The following KDM2B variants were observed in gnomAD, a reference collection of about 807,000 sequenced individuals.
The protein encoded by KDM2B is lysine demethylase 2B.
Under a neutral mutation model 150.0 loss-of-function variants are expected in KDM2B, and 26 were observed. The observed-to-expected ratio is 0.17, with a 90% CI of 0.13 to 0.24. KDM2B has a LOEUF of 0.24. KDM2B is among the 10% of genes least tolerant of loss of function. KDM2B has a pLI of 1.00. For missense variants in KDM2B, 1,265 were observed against 1,816.9 expected (o/e 0.70, Z 5.52); for synonymous variants, 734 against 729.5 (o/e 1.01, Z -0.10).
chr12:121,411,057 C>T, the KDM2B span, among the ~76,000 whole-genome samples: 2 of 152,232 alleles, frequency 1.3e-5, no homozygotes, highest in Non-Finnish European at 2.9e-5. Flanking sequence ...GCCTCAGCCT[C>T]CGAGTAGCTG....
intron 4 of KDM2B, among the ~76,000 whole-genome samples, chr12:121,560,799 G>C (rs1336695968): frequency 1.3e-5 from 2 of 152,268 alleles, no homozygotes; most frequent in Admixed American, 6.5e-5. Flanking sequence ...TTGGCACCGG[G>C]GAGGAGGCAG....
At chr12:121,411,619 T>C in the KDM2B span, among the ~76,000 whole-genome samples, 1 of 152,210 alleles carries the variant, frequency 6.6e-6, no homozygotes, top group South Asian at 2.1e-4. Context: ...AGAAAACATA[T>C]TTTGAACTTT....
intron 8 of KDM2B, among the ~76,000 whole-genome samples, chr12:121,523,799 C>T (rs1201709855): frequency 2.0e-5 from 3 of 152,236 alleles, no homozygotes; most frequent in South Asian, 2.1e-4. Flanking sequence ...CTGTGCCTGG[C>T]TCCCCGGGTC....
At chr12:121,581,459 C>T (rs1443204143), upstream of KDM2B, among the ~76,000 whole-genome samples, 2 of 152,212 alleles carry the variant, frequency 1.3e-5, no homozygotes, top group African/African-American at 2.4e-5. Context: ...TACCCCAGCA[C>T]TGGTCCTGGG....
At chr12:121,502,746 A>AC (rs1288881347) in intron 11 of KDM2B, among the ~76,000 whole-genome samples, 1 of 117,974 alleles carries the variant, frequency 8.5e-6, no homozygotes, top group Non-Finnish European at 1.6e-5. Flanking sequence ...GCAGAGCGAG[A>AC]CCCCCATCTC....
chr12:121,555,884 T>C (rs1296746414), intron 4 of KDM2B, among the ~76,000 whole-genome samples: 2 of 152,084 alleles, frequency 1.3e-5, no homozygotes, highest in East Asian at 3.9e-4. Context: ...CCCACTCTAT[T>C]AGTTCCCATG....
At position 121,452,284 on chromosome 12, in the gene KDM2B, T is replaced by C. The variant is rs782468416; in HGVS notation, c.1959+836A>G. The stretch of plus-strand genomic sequence containing the variant: ...TGCATACTTAAAAATGATTAATGTA[T>C]TTTTTTTACCACAATTTCAAAAAAC... On this transcript the variant is annotated intron_variant, in intron 13 of 22. Transcript: ENST00000377071. This position sits in a 1 kb window ranked among gnomAD's most constrained non-coding sequence, Gnocchi z 4.4. 6.6e-6 allele frequency among the ~76,000 whole-genome samples: 1 copy of C among 151,950 alleles called. No individual in the cohort carries two copies. Among genetic ancestry groups the C allele is most frequent in the Admixed American group, 6.5e-5 (1 of 15,276 alleles).
At position 121,445,375 on chromosome 12, in the gene KDM2B, G is replaced by T. The variant is rs1342475521; in HGVS notation, c.2003C>A (p.Ala668Glu). 1.2e-6 allele frequency: 2 copies of T among 1,610,022 alleles called. No individual in the cohort carries two copies. The change falls in exon 14 of 23, where the codon GCG (alanine) becomes GAG (glutamate). Residue 668 changes from alanine (A) to glutamate (E), a missense_variant. Coordinates refer to ENST00000377071, the MANE Select transcript of KDM2B (RefSeq NM_032590.5). ...HTAVCLVCGE[A>E]GKEDTVEEEE... is the part of the protein sequence containing the mutation. ...CTCTTCCACCGTGTCTTCCTTCCCC[G>T]CCTCGCCACACACAAGGCACACGGC...
Position 121,440,979 on chromosome 12 carries a change from T to C in KDM2B, c.3449-2A>G. 1 of 1,613,356 alleles carries C rather than the reference T, an allele frequency of 6.2e-7. No individual in the cohort carries two copies. Among genetic ancestry groups the C allele is most frequent in the Non-Finnish European group, 8.5e-7 (1 of 1,179,594 alleles). ...CTGACAGCACCAAGTCCCGGAGCCC[T>C]GGGGGGACATAGAAAAGGGTGAAGG... On this transcript the variant is annotated splice_acceptor_variant, in intron 20 of 22. Transcript: ENST00000377071. LOFTEE classifies it high-confidence loss of function.
At position 121,453,316 on chromosome 12, in the gene KDM2B, T is replaced by C; in HGVS notation, c.1763A>G (p.Lys588Arg). ...CTTCACCGCGGAGGCCGGGCCCAGCTTCCCCTTGGGCCGACCCACAGCCCG... is the reference window on the plus strand; with the variant it reads ...CTTCACCGCGGAGGCCGGGCCCAGCCTCCCCTTGGGCCGACCCACAGCCCG... ...KNRAVGRPKG[K>R]LGPASAVKLA... Residue 588 changes from lysine to arginine, a missense_variant, in exon 13 of 23, where the codon AAG (lysine) becomes AGG (arginine). By Grantham distance (26) the Lys-to-Arg change is conservative. This residue lies in a region of KDM2B where 69 missense variants were observed against 85.7 expected (regional missense o/e 0.81). Transcript: ENST00000377071. The surrounding 1 kb of genome is among the most constrained non-coding windows in gnomAD (Gnocchi z 6.4). 6.3e-7 allele frequency: 1 copy of C among 1,591,978 alleles called. No homozygotes were observed. The highest frequency in any genetic ancestry group is 8.6e-7 in the Non-Finnish European group (1 of 1,169,246).
intron 6 of KDM2B, among the ~76,000 whole-genome samples, chr12:121,541,788 A>G (rs1336063179): frequency 1.3e-5 from 2 of 152,160 alleles, no homozygotes; most frequent in African/African-American, 4.8e-5. Context: ...AGATCACAGC[A>G]TATCTTCATT....
intron 21 of KDM2B, chr12:121,440,282 TAA>T (rs1413519417): frequency 3.7e-5 from 22 of 589,158 alleles, no homozygotes; most frequent in Non-Finnish European, 6.3e-5. Flanking sequence ...CTTGAAAAAC[TAA>T]AAGACCTAGA....
intron 12 of KDM2B, among the ~76,000 whole-genome samples, chr12:121,480,920 G>GT (rs112105685): frequency 0.031 from 4,299 of 136,952 alleles, 110 homozygotes; most frequent in East Asian, 0.16. Flanking sequence ...AGTGAGAGGT[G>GT]TTTTTTTTGT....
At chr12:121,441,710 GC>G (rs1325936964) in intron 19 of KDM2B, among the ~76,000 whole-genome samples, 15 of 152,184 alleles carry the variant, frequency 9.9e-5, no homozygotes, top group African/African-American at 3.6e-4. Context: ...ACAGGCATGA[GC>G]CACTGCGCCC....
intron 12 of KDM2B, among the ~76,000 whole-genome samples, chr12:121,487,819 G>A (rs1377660232): frequency 6.6e-6 from 1 of 150,616 alleles, no homozygotes; most frequent in Non-Finnish European, 1.5e-5. Context: ...TTTGAGACAG[G>A]GTCTTGCCCT....
At position 121,448,595 on chromosome 12, in the gene KDM2B, G is replaced by T. The variant is rs556169292; in HGVS notation, c.1960-3177C>A. 1.8e-4 allele frequency among the ~76,000 whole-genome samples: 27 copies of T among 152,254 alleles called. No homozygotes were observed. The South Asian group carries it at 5.2e-3, about 29-fold the overall frequency. On this transcript the variant is annotated intron_variant, in intron 13 of 22. Transcript: ENST00000377071. ...CCCAGTGCACCTGCAGACAGAGGAA[G>T]CACGCAGCCAACCTTTATTATGCTG...
chr12:121,578,703 G>C, intron 2 of KDM2B, 99 bp downstream of exon 2: 1 of 1,096,810 alleles, frequency 9.1e-7, no homozygotes, highest in Non-Finnish European at 1.2e-6. Context: ...CTGGAATGGG[G>C]GACGCGGGCG....
the KDM2B span, chr12:121,419,792 C>T: frequency 6.4e-6 from 1 of 155,896 alleles, no homozygotes; most frequent in African/African-American, 2.4e-5. Context: ...TGTCTAAGTA[C>T]GCTGTGGTAG....
At chr12:121,541,425 CGGAGGGAAGGAG>C (rs1417394286) in intron 6 of KDM2B, among the ~76,000 whole-genome samples, 3 of 71,518 alleles carry the variant, frequency 4.2e-5, no homozygotes, top group African/African-American at 1.7e-4. Context: ...AAAGGAAGGA[CGGAGGGAAGGAG>C]GGAGGGAGGG....
Sources: allele counts gnomAD v4.1 joint callset (sites outside exome capture counted in the v4.1 genomes callset), GRCh38; gene constraint gnomAD v4.1.1; regional missense constraint gnomAD v4.1.1; non-coding constraint Gnocchi (gnomAD v3.1); transcripts MANE v1.5; gene names NCBI Gene and HGNC (gene_info 2026-07-23, HGNC 2026-07-21).